MACROD2: variants seen among roughly 807,000 people sequenced by gnomAD.
MACROD2 encodes the protein ADP-ribose glycohydrolase MACROD2.
Under a neutral mutation model 70.4 loss-of-function variants are expected in MACROD2, and 36 were observed. The observed-to-expected ratio is 0.51, with a 90% CI of 0.39 to 0.68. The LOEUF (loss-of-function observed/expected upper bound fraction) is 0.68. Among genes scored for constraint, MACROD2 ranks in the 30% least tolerant of loss-of-function variants. The pLI is 0.00. For missense variants in MACROD2, 496 were observed against 538.4 expected (o/e 0.92, Z 0.78); for synonymous variants, 172 against 178.8 (o/e 0.96, Z 0.30).
At chr20:14,119,916 A>G (rs769888864) in intron 3 of MACROD2, among the ~76,000 whole-genome samples, 10 of 151,858 alleles carry the variant, frequency 6.6e-5, no homozygotes, top group Non-Finnish European at 1.0e-4. Context: ...TTCTCGAAAG[A>G]AGACATTTAA....
At chr20:15,246,827 G>A (rs1430052870) in intron 6 of MACROD2, among the ~76,000 whole-genome samples, 1 of 152,162 alleles carries the variant, frequency 6.6e-6, no homozygotes, top group African/African-American at 2.4e-5. Flanking sequence ...CAATCCAAAT[G>A]TCCACCACCT....
At chr20:14,000,599 C>T (rs576768389) in intron 1 of MACROD2, among the ~76,000 whole-genome samples, 3 of 152,128 alleles carry the variant, frequency 2.0e-5, no homozygotes, top group Non-Finnish European at 4.4e-5. Context: ...CTCTCTACAT[C>T]GTGGAGACCA....
Position 14,326,948 on chromosome 20 carries a change from T to C in MACROD2, c.272-166531T>C. 1 of 1,613,784 alleles carries C rather than the reference T, an allele frequency of 6.2e-7. No individual in the cohort carries two copies. Among genetic ancestry groups the C allele is most frequent in the Non-Finnish European group, 8.5e-7 (1 of 1,179,790 alleles). On this transcript the variant is annotated intron_variant, in intron 3 of 17. Transcript: ENST00000684519. The surrounding 1 kb of genome is among the most constrained non-coding windows in gnomAD (Gnocchi z 5.5). Reference sequence around the variant, plus strand: ...AGAGATGGTGATGAAATAGTGGATATGCGATTATCATCCAAGCGTAGTTCT... The same window carrying C: ...AGAGATGGTGATGAAATAGTGGATACGCGATTATCATCCAAGCGTAGTTCT...
intron 8 of MACROD2, among the ~76,000 whole-genome samples, chr20:15,743,821 C>G (rs1568536403): frequency 6.6e-6 from 1 of 152,168 alleles, no homozygotes; most frequent in East Asian, 1.9e-4. Context: ...ACTCTTCTTT[C>G]TCTTTCTCAT....
intron 5 of MACROD2, among the ~76,000 whole-genome samples, chr20:14,936,074 G>T (rs2074338073): frequency 6.6e-6 from 1 of 151,990 alleles, no homozygotes; most frequent in Admixed American, 6.6e-5. Context: ...TTTCAGTGGG[G>T]GATGCAGACT....
At position 14,985,108 on chromosome 20, in the gene MACROD2, CA is replaced by C. The variant is rs1285263870; in HGVS notation, c.419-244831del. ...GGGGTGGAAGGAATCAAGCATATTC[CA>C]GACCTAGGAGGGATTTCTTAGGAAT... On this transcript the variant is annotated intron_variant, in intron 5 of 17. Transcript: ENST00000684519. Among the ~76,000 whole-genome samples the C allele has an allele frequency of 1.3e-5, 2 of 152,136 alleles. 1 individual carries two copies. The highest frequency in any genetic ancestry group is 1.3e-4 in the Admixed American group (2 of 15,270).
intron 5 of MACROD2, among the ~76,000 whole-genome samples, chr20:14,778,453 T>C (rs550684359): frequency 6.6e-6 from 1 of 152,070 alleles, no homozygotes; most frequent in East Asian, 1.9e-4. Flanking sequence ...TCTAACCTTT[T>C]CCCCTCCCAT....
intron 4 of MACROD2, among the ~76,000 whole-genome samples, chr20:14,656,750 TG>T (rs1320156147): frequency 3.9e-5 from 6 of 152,198 alleles, no homozygotes; most frequent in African/African-American, 1.4e-4. Context: ...GTCATTACTC[TG>T]GGGGTTATAT....
chr20:15,158,713 T>G (rs925677719), intron 5 of MACROD2, among the ~76,000 whole-genome samples: 4 of 152,156 alleles, frequency 2.6e-5, no homozygotes, highest in African/African-American at 9.6e-5. Flanking sequence ...ATATTAGTCA[T>G]TTTCTTGAAG....
chr20:15,571,165 A>G (rs1452794820), intron 8 of MACROD2, among the ~76,000 whole-genome samples: 1 of 152,114 alleles, frequency 6.6e-6, no homozygotes, highest in East Asian at 1.9e-4. Flanking sequence ...TGAAGCCACT[A>G]TTTTATTTTT....
intron 8 of MACROD2, among the ~76,000 whole-genome samples, chr20:15,599,643 C>CA (rs1270949738): frequency 6.6e-6 from 1 of 152,208 alleles, no homozygotes; most frequent in East Asian, 1.9e-4. Context: ...AATTAGCATG[C>CA]AACACCATAA....
intron 6 of MACROD2, among the ~76,000 whole-genome samples, chr20:15,401,959 A>C (rs547480791): frequency 7.5e-4 from 114 of 152,260 alleles, no homozygotes; most frequent in African/African-American, 2.6e-3. Context: ...AAGAACCTTA[A>C]ATTTCCTAAA....
chr20:15,303,501 T>A (rs1050315785), intron 6 of MACROD2, among the ~76,000 whole-genome samples: 3 of 152,160 alleles, frequency 2.0e-5, no homozygotes, highest in Non-Finnish European at 4.4e-5. Context: ...TTACAATGGC[T>A]CTTATAGCCA....
At chr20:14,962,525 CTT>C (rs1330724897) in intron 5 of MACROD2, among the ~76,000 whole-genome samples, 3 of 139,344 alleles carry the variant, frequency 2.2e-5, no homozygotes, top group South Asian at 2.2e-4. Context: ...CTCTCTCTCT[CTT>C]TCTCTCTCTC....
chr20:15,720,512 A>G (rs1220556000), intron 8 of MACROD2, among the ~76,000 whole-genome samples: 1 of 152,210 alleles, frequency 6.6e-6, no homozygotes, highest in African/African-American at 2.4e-5. Context: ...GATAGAACCA[A>G]CCGCTGCATC....
At chr20:15,095,469 T>A (rs2075823840) in intron 5 of MACROD2, among the ~76,000 whole-genome samples, 1 of 152,226 alleles carries the variant, frequency 6.6e-6, no homozygotes, top group East Asian at 1.9e-4. Flanking sequence ...ATTTCTGACC[T>A]CTTTGTAGAA....
intron 8 of MACROD2, among the ~76,000 whole-genome samples, chr20:15,585,119 C>G (rs150446443): frequency 4.5e-4 from 68 of 152,226 alleles, no homozygotes; most frequent in East Asian, 3.3e-3. Context: ...CCCCCTACCC[C>G]CTTTGATCTC....
intron 3 of MACROD2, among the ~76,000 whole-genome samples, chr20:14,187,019 G>T (rs1286194860): frequency 6.6e-6 from 1 of 151,916 alleles, no homozygotes; most frequent in African/African-American, 2.4e-5. Context: ...TTACCACCTG[G>T]GTGACAGGGT....
intron 5 of MACROD2, among the ~76,000 whole-genome samples, chr20:14,996,430 C>A (rs1031913478): frequency 6.6e-6 from 1 of 152,154 alleles, no homozygotes; most frequent in Non-Finnish European, 1.5e-5. Flanking sequence ...AGAGGGGAGG[C>A]AGAGCGAGAT....
Sources: allele counts gnomAD v4.1 joint callset (sites outside exome capture counted in the v4.1 genomes callset), GRCh38; gene constraint gnomAD v4.1.1; non-coding constraint Gnocchi (gnomAD v3.1); transcripts MANE v1.5; gene names NCBI Gene and HGNC (gene_info 2026-07-23, HGNC 2026-07-21).